LSM14A: variants seen among roughly 807,000 people sequenced by gnomAD.
LSM14A encodes the protein LSM14A mRNA processing body assembly factor.
LSM14A carries 14 observed loss-of-function variants against 52.4 expected under a neutral mutation model. The observed-to-expected ratio is 0.27, with a 90% CI of 0.18 to 0.42. The LOEUF is 0.42. Among genes scored for constraint, LSM14A ranks in the 10% least tolerant of loss-of-function variants. The pLI is 1.00. For synonymous variants in LSM14A, 185 were observed against 200.3 expected, an observed-to-expected ratio of 0.92 and a Z score of 0.64; for missense variants, 417 against 581.8, an observed-to-expected ratio of 0.72 and a Z score of 2.91.
chr19:34,176,375 A>G lies in LSM14A; in HGVS notation c.121+3612A>G, dbSNP rs537884795. ...TAAGATAAAAATGAAATATTTTTAA[A>G]CAAACATCTTTGTAACCACCACCCA... On this transcript the variant is annotated intron_variant, in intron 1 of 9. Coordinates refer to ENST00000544216, the MANE Select transcript of LSM14A (RefSeq NM_015578.4). Among the ~76,000 whole-genome samples the G allele has an allele frequency of 2.6e-5, 4 of 152,284 alleles. No homozygotes were observed. The East Asian group carries it at 7.7e-4, about 29-fold the overall frequency.
chr19:34,210,886 T>C (rs2145792588), intron 4 of LSM14A, among the ~76,000 whole-genome samples: 1 of 152,242 alleles, frequency 6.6e-6, no homozygotes, highest in Non-Finnish European at 1.5e-5. Context: ...CTGGAATTTT[T>C]AGTTAAATCA....
chr19:34,201,707 C>G (rs777453108), intron 3 of LSM14A, among the ~76,000 whole-genome samples: 27 of 152,112 alleles, frequency 1.8e-4, no homozygotes, highest in Non-Finnish European at 4.0e-4. Context: ...TTTTTGGTTC[C>G]TAGTATTCTG....
intron 3 of LSM14A, among the ~76,000 whole-genome samples, chr19:34,202,127 T>TTG (rs1491483183): frequency 9.2e-4 from 46 of 49,802 alleles, no homozygotes; most frequent in African/African-American, 4.9e-3. Flanking sequence ...TTTTAGTAAG[T>TTG]TTTTTTTTTT....
chr19:34,219,920 A>C, intron 8 of LSM14A, 43 bp downstream of exon 8: 1 of 1,414,880 alleles, frequency 7.1e-7, no homozygotes, highest in East Asian at 2.3e-5. Context: ...ATATTGATTG[A>C]AGTGTAAAAT....
At chr19:34,173,922 C>T (rs2068895348) in intron 1 of LSM14A, among the ~76,000 whole-genome samples, 1 of 144,126 alleles carries the variant, frequency 6.9e-6, no homozygotes, top group African/African-American at 2.7e-5. Context: ...TTCTTGGATG[C>T]TCTGGTAAAT....
intron 3 of LSM14A, among the ~76,000 whole-genome samples, chr19:34,201,790 G>A (rs796383434): frequency 3.3e-5 from 5 of 152,084 alleles, no homozygotes; most frequent in Admixed American, 6.5e-5. Context: ...ATATATTTAC[G>A]TTTTCGTGTG....
chr19:34,182,533 G>T (rs2069556805), intron 1 of LSM14A, among the ~76,000 whole-genome samples: 1 of 151,870 alleles, frequency 6.6e-6, no homozygotes, highest in Non-Finnish European at 1.5e-5. Flanking sequence ...TGTGGACCTT[G>T]TGAATCTGAA....
At chr19:34,186,837 A>G (rs1248675865) in intron 1 of LSM14A, among the ~76,000 whole-genome samples, 1 of 152,134 alleles carries the variant, frequency 6.6e-6, no homozygotes, top group African/African-American at 2.4e-5. Flanking sequence ...CGTCTTTTGG[A>G]TATTTCAGTG....
chr19:34,211,794 C>CAAA (rs945434131), intron 4 of LSM14A, among the ~76,000 whole-genome samples: 1 of 144,220 alleles, frequency 6.9e-6, no homozygotes, highest in African/African-American at 2.5e-5. Context: ...TGTCCCCCCC[C>CAAA]AAAAAAAAAA....
intron 3 of LSM14A, among the ~76,000 whole-genome samples, chr19:34,205,880 A>G (rs2071661143): frequency 6.6e-6 from 1 of 152,150 alleles, no homozygotes; most frequent in Non-Finnish European, 1.5e-5. Context: ...TATAAGATTG[A>G]TAAGTCCCTA....
At chr19:34,206,896 C>T (rs1323098811) in intron 3 of LSM14A, among the ~76,000 whole-genome samples, 3 of 152,046 alleles carry the variant, frequency 2.0e-5, no homozygotes, top group South Asian at 2.1e-4. Flanking sequence ...CTCAGGACTG[C>T]GAAGCTGCAA....
intron 6 of LSM14A, among the ~76,000 whole-genome samples, chr19:34,216,278 T>C (rs2072583093): frequency 6.6e-6 from 1 of 151,400 alleles, no homozygotes; most frequent in Non-Finnish European, 1.5e-5. Context: ...CCGGGCGCAG[T>C]GGCGGGCGCC....
At chr19:34,226,375 CTTTTTT>C (rs528137318) in intron 9 of LSM14A, 1,635 of 1,192,746 alleles carry the variant, frequency 1.4e-3, no homozygotes, top group Admixed American at 2.9e-3. Context: ...ATCTCTTTCT[CTTTTTT>C]TTTTTTTTTT....
At chr19:34,177,362 G>C (rs1273272456) in intron 1 of LSM14A, among the ~76,000 whole-genome samples, 1 of 151,956 alleles carries the variant, frequency 6.6e-6, no homozygotes, top group East Asian at 1.9e-4. Flanking sequence ...TTGATTTTGT[G>C]TACAATGTGA....
At chr19:34,198,860 G>A (rs2071069773) in intron 3 of LSM14A, among the ~76,000 whole-genome samples, 1 of 151,860 alleles carries the variant, frequency 6.6e-6, no homozygotes, top group Admixed American at 6.5e-5. Flanking sequence ...GGTGGTGGGC[G>A]CCTGTAGTTC....
rs1414474408 is a variant in LSM14A, at chr19:34,217,617, GTGTTT to G, written c.782-1772_782-1768del. On this transcript the variant is annotated intron_variant, in intron 6 of 9. Transcript: ENST00000544216. ...ATATATTTTTATATCCCCCCCCCCC[GTGTTT>G]TTTTTTTTTTTTTTTTTTTTTTTGA... Among the ~76,000 whole-genome samples the G allele has an allele frequency of 8.2e-4, 30 of 36,682 alleles. 3 individuals are homozygous for G. The highest frequency in any genetic ancestry group is 3.1e-3 in the African/African-American group (30 of 9,644). 24.1% of individuals were successfully genotyped at this position (36,682 alleles called of 152,430 possible). A position where few individuals can be genotyped will look rare whatever the true frequency, so the allele number is the denominator to read the frequency against.
chr19:34,195,124 A>G (rs577820962), intron 2 of LSM14A: 11 of 161,666 alleles, frequency 6.8e-5, no homozygotes, highest in East Asian at 3.8e-4. Context: ...CTTAATGGGG[A>G]AAAAAAAGCA....
intron 3 of LSM14A, among the ~76,000 whole-genome samples, chr19:34,205,347 A>G (rs908456163): frequency 1.3e-5 from 2 of 150,826 alleles, no homozygotes; most frequent in Non-Finnish European, 3.0e-5. Flanking sequence ...TTAGCCAGGT[A>G]TGATGGCAGG....
chr19:34,213,967 G>A (rs1190457063), intron 4 of LSM14A, among the ~76,000 whole-genome samples: 1 of 151,932 alleles, frequency 6.6e-6, no homozygotes, highest in Admixed American at 6.6e-5. Flanking sequence ...TTTTTTTGTA[G>A]AGACAGGCTT....
Sources: gnomAD v4.1 joint callset for allele counts (sites outside exome capture counted in the v4.1 genomes callset) on GRCh38, gnomAD v4.1.1 for gene constraint, MANE v1.5 for transcripts, NCBI Gene and HGNC (gene_info 2026-07-23, HGNC 2026-07-21) for gene names.